MYRIP: variants seen among roughly 807,000 people sequenced by gnomAD.
MYRIP encodes the protein rab effector MyRIP.
In MYRIP, 49 loss-of-function variants were observed where a neutral mutation model predicts 98.0. The ratio of observed to expected loss-of-function variants is 0.50; its 90% CI spans 0.40 to 0.63. The LOEUF (loss-of-function observed/expected upper bound fraction) is 0.63. Among genes scored for constraint, MYRIP ranks in the 30% least tolerant of loss-of-function variants. The pLI is 0.00. For missense variants in MYRIP, 1,004 were observed against 1,058.2 expected (o/e 0.95, Z 0.71); for synonymous variants, 404 against 409.5 (o/e 0.99, Z 0.16).
At chr3:40,237,238 T>C (rs80047313) in intron 12 of MYRIP, among the ~76,000 whole-genome samples, 8,311 of 152,244 alleles carry the variant, frequency 0.055, 394 homozygotes, top group African/African-American at 0.13. Flanking sequence ...AACCTATGCA[T>C]GTATCTGTCT....
intron 11 of MYRIP, among the ~76,000 whole-genome samples, chr3:40,213,315 G>T (rs1952018181): frequency 6.6e-6 from 1 of 152,210 alleles, no homozygotes; most frequent in South Asian, 2.1e-4. Context: ...GAATTATGTA[G>T]TGTAGGATTT....
At chr3:39,919,703 T>G (rs1944260414) in intron 2 of MYRIP, among the ~76,000 whole-genome samples, 1 of 118,936 alleles carries the variant, frequency 8.4e-6, no homozygotes, top group Admixed American at 8.1e-5. Flanking sequence ...GGTGTGTGTG[T>G]GTGTGTGTGT....
chr3:40,155,938 A>G (rs1950225412), intron 4 of MYRIP, among the ~76,000 whole-genome samples: 1 of 151,940 alleles, frequency 6.6e-6, no homozygotes, highest in African/African-American at 2.4e-5. Context: ...CCCATTTTGT[A>G]GGTTGCCTGT....
intron 12 of MYRIP, among the ~76,000 whole-genome samples, chr3:40,236,973 C>T (rs901661917): frequency 6.6e-6 from 1 of 152,030 alleles, no homozygotes; most frequent in African/African-American, 2.4e-5. Flanking sequence ...GCCATTATGC[C>T]CAGCCTGAAG....
intron 2 of MYRIP, among the ~76,000 whole-genome samples, chr3:39,968,524 G>C (rs891011100): frequency 3.0e-4 from 45 of 152,134 alleles, no homozygotes; most frequent in Non-Finnish European, 5.9e-5. Flanking sequence ...AGGGGGTCCA[G>C]CTTCAATCTT....
intron 2 of MYRIP, among the ~76,000 whole-genome samples, chr3:39,999,699 A>T (rs1946468165): frequency 6.6e-6 from 1 of 152,124 alleles, no homozygotes; most frequent in Non-Finnish European, 1.5e-5. Flanking sequence ...GGATTATAAA[A>T]CATGCTGCTA....
chr3:40,162,805 C>A lies in MYRIP; in HGVS notation c.545C>A (p.Ser182Ter). The change falls in exon 5 of 17, where the codon TCA becomes TAA. Residue 182 changes from serine to a stop codon, truncating the protein, a stop_gained. Transcript: ENST00000302541. LOFTEE classifies it high-confidence loss of function. Reference protein sequence around the residue: ...SGSDSTFYRQSEGHSVMDTLA... With the variant: ...SGSDSTFYRQ ...AGTGATTCAACATTTTATAGGCAGTCAGAAGGTAAAGTTGCTTAAGAGTTT... is the reference window on the plus strand; with the variant it reads ...AGTGATTCAACATTTTATAGGCAGTAAGAAGGTAAAGTTGCTTAAGAGTTT... 1 of 1,613,752 alleles carries A rather than the reference C, an allele frequency of 6.2e-7. No individual in the cohort carries two copies. Among genetic ancestry groups the A allele is most frequent in the Non-Finnish European group, 8.5e-7 (1 of 1,179,732 alleles).
chr3:39,872,310 C>T (rs75552438), intron 1 of MYRIP, among the ~76,000 whole-genome samples: 3,277 of 151,168 alleles, frequency 0.022, 105 homozygotes, highest in African/African-American at 0.073. Flanking sequence ...GTATTTATGT[C>T]AAATGGAAAA....
At chr3:40,202,553 GA>G in intron 10 of MYRIP, among the ~76,000 whole-genome samples, 1 of 152,134 alleles carries the variant, frequency 6.6e-6, no homozygotes, top group Non-Finnish European at 1.5e-5. Context: ...TGTGAAAAAA[GA>G]GGTTAAACCC....
At position 40,258,409 on chromosome 3, in the gene MYRIP, A is replaced by G. The variant is rs986400936; in HGVS notation, c.*243A>G. 1 of 476,190 alleles carries G rather than the reference A, an allele frequency of 2.1e-6. No individual in the cohort carries two copies. The highest frequency in any genetic ancestry group is 3.8e-6 in the Non-Finnish European group (1 of 264,112). The allele number at this position is 476,190 out of a possible 1,614,324, so 29.5% of individuals were successfully genotyped here. The stretch of plus-strand genomic sequence containing the variant: ...GGGGAATCCAAGACAGAAAATGAAG[A>G]CACTGGCTTCCAACAGCAGCGCTCC... On this transcript the variant is annotated 3_prime_UTR_variant, in exon 17 of 17. Coordinates refer to ENST00000302541, the MANE Select transcript of MYRIP (RefSeq NM_015460.4).
At chr3:39,838,876 T>G (rs1044716398) in intron 1 of MYRIP, among the ~76,000 whole-genome samples, 1 of 152,182 alleles carries the variant, frequency 6.6e-6, no homozygotes, top group Admixed American at 6.5e-5. Flanking sequence ...AATTACTGCC[T>G]CAATTTCAGA....
intron 3 of MYRIP, among the ~76,000 whole-genome samples, chr3:40,146,264 G>A (rs1171065406): frequency 6.6e-6 from 1 of 152,174 alleles, no homozygotes; most frequent in Non-Finnish European, 1.5e-5. Context: ...CAAGGGAAGT[G>A]ATATTTGCAC....
At chr3:39,902,509 A>G (rs1446730229) in intron 2 of MYRIP, among the ~76,000 whole-genome samples, 1 of 152,172 alleles carries the variant, frequency 6.6e-6, no homozygotes, top group African/African-American at 2.4e-5. Context: ...TTGTGCCCCA[A>G]TCTCTGGACA....
chr3:39,916,865 T>TA (rs1191309463), intron 2 of MYRIP, among the ~76,000 whole-genome samples: 7 of 152,104 alleles, frequency 4.6e-5, no homozygotes, highest in African/African-American at 1.4e-4. Flanking sequence ...GTAACTCCTA[T>TA]AAAAAAGGCT....
At chr3:40,164,679 C>G (rs2125592021) in intron 5 of MYRIP, among the ~76,000 whole-genome samples, 1 of 152,286 alleles carries the variant, frequency 6.6e-6, no homozygotes, top group Non-Finnish European at 1.5e-5. Flanking sequence ...TGAACTTTGG[C>G]CACCTTGCCT....
intron 3 of MYRIP, among the ~76,000 whole-genome samples, chr3:40,063,088 A>G (rs1274613475): frequency 6.6e-6 from 1 of 152,238 alleles, no homozygotes; most frequent in East Asian, 1.9e-4. Context: ...TATAAATCTA[A>G]TTTTGAGGAA....
rs541426930 is a variant in MYRIP, at chr3:39,910,462, G to A, written c.110+9536G>A. Among the ~76,000 whole-genome samples, 5 of 152,344 alleles carry A rather than the reference G, an allele frequency of 3.3e-5. No individual in the cohort carries two copies. The East Asian group carries it at 7.7e-4, about 24-fold the overall frequency. On this transcript the variant is annotated intron_variant, in intron 2 of 16. Transcript: ENST00000302541. ...TGTGTTCAGGGATGGGAAAGTGGTA[G>A]GGTTTAAGTCAGTATATGAGAAGTG... is the stretch of plus-strand genomic sequence containing the variant.
intron 4 of MYRIP, among the ~76,000 whole-genome samples, chr3:40,155,997 T>A (rs1363663334): frequency 3.3e-5 from 5 of 152,184 alleles, no homozygotes; most frequent in African/African-American, 1.2e-4. Context: ...TTTCATTTAA[T>A]TATATCCCAT....
At chr3:40,170,966 A>C (rs891927221) in intron 8 of MYRIP, among the ~76,000 whole-genome samples, 3 of 152,152 alleles carry the variant, frequency 2.0e-5, no homozygotes, top group African/African-American at 7.2e-5. Flanking sequence ...TCCACAAGGG[A>C]TCAGCATAGG....
Sources: allele counts gnomAD v4.1 joint callset (sites outside exome capture counted in the v4.1 genomes callset), GRCh38; gene constraint gnomAD v4.1.1; transcripts MANE v1.5; gene names NCBI Gene and HGNC (gene_info 2026-07-23, HGNC 2026-07-21).